The following SPECC1 variants were observed in gnomAD, a reference collection of about 807,000 sequenced individuals.
SPECC1 encodes cytospin-B.
In SPECC1, 62 loss-of-function variants were observed where a neutral mutation model predicts 104.1. That is an observed-to-expected ratio of 0.60 (90% CI 0.49 to 0.74). The LOEUF (loss-of-function observed/expected upper bound fraction) is 0.74, where lower values mean the gene tolerates loss of function less well. Ranked by LOEUF, SPECC1 falls within the 30% of genes least tolerant of loss-of-function variation. The probability of loss-of-function intolerance (pLI) is 0.00; values close to 1 mark genes in which losing one functional copy is unlikely to be tolerated. For synonymous variants in SPECC1, 513 were observed against 501.6 expected, an observed-to-expected ratio of 1.02 and a Z score of -0.30; for missense variants, 1,306 against 1,310.5, an observed-to-expected ratio of 1.00 and a Z score of 0.05.
In SPECC1 at chr17:20,204,397, A is replaced by G. The variant is rs754731916; in HGVS notation, c.348A>G (p.Ser116=). 1.5e-5 allele frequency: 24 copies of G among 1,613,972 alleles called. No individual in the cohort carries two copies. Among genetic ancestry groups the G allele is most frequent in the Non-Finnish European group, 1.9e-5 (22 of 1,180,018 alleles). Residue 116 remains serine (S), a synonymous_variant, in exon 4 of 15, where the codon TCA becomes TCG. Transcript: ENST00000395527. ...CACGGGAATTTTCAGTAACTGTCTC[A>G]AGAGAGAGGTCTGTGCCACGTGGTC... ...PAPREFSVTV[S]RERSVPRGPS... is the part of the protein sequence containing the mutation.
chr17:20,129,714 C>T (rs1375534862), intron 3 of SPECC1, among the ~76,000 whole-genome samples: 1 of 145,254 alleles, frequency 6.9e-6, no homozygotes, highest in Admixed American at 7.1e-5. Context: ...AATTCTTTGC[C>T]TAGAGCCAGT....
chr17:20,137,356 C>T (rs2030123599), intron 3 of SPECC1, among the ~76,000 whole-genome samples: 1 of 152,228 alleles, frequency 6.6e-6, no homozygotes. Context: ...TAGTGTCTCT[C>T]AGCTGGTTTC....
chr17:20,264,471 T>G (rs7226160), intron 12 of SPECC1, among the ~76,000 whole-genome samples: 3,907 of 126,664 alleles, frequency 0.031, 241 homozygotes, highest in African/African-American at 0.11. Context: ...TTTTTTTTTT[T>G]TTTTTTTTTT....
intron 12 of SPECC1, among the ~76,000 whole-genome samples, chr17:20,291,130 G>A (rs949742000): frequency 6.6e-6 from 1 of 152,208 alleles, no homozygotes; most frequent in Non-Finnish European, 1.5e-5. Flanking sequence ...AGAGAGCAGT[G>A]CCATCCACCC....
chr17:20,118,004 CAG>C (rs1184520272), intron 3 of SPECC1, among the ~76,000 whole-genome samples: 4 of 151,944 alleles, frequency 2.6e-5, no homozygotes, highest in Non-Finnish European at 2.9e-5. Context: ...AGTTGGGAGA[CAG>C]AGGTGGGAGG....
chr17:20,140,969 CT>C (rs1318595168), intron 3 of SPECC1, among the ~76,000 whole-genome samples: 1 of 152,146 alleles, frequency 6.6e-6, no homozygotes, highest in African/African-American at 2.4e-5. Flanking sequence ...TGACTGTGAC[CT>C]TTTCACAGTC....
intron 13 of SPECC1, among the ~76,000 whole-genome samples, chr17:20,302,904 G>C (rs7216340): frequency 0.45 from 55,092 of 122,562 alleles, 11,300 homozygotes; most frequent in East Asian, 0.8. Context: ...AAAAAAAAAA[G>C]AGGAAAGAAA....
intron 3 of SPECC1, among the ~76,000 whole-genome samples, chr17:20,137,306 C>T (rs550868450): frequency 6.6e-6 from 1 of 152,348 alleles, no homozygotes; most frequent in Non-Finnish European, 1.5e-5. Flanking sequence ...ATGTCTTAGC[C>T]TCTTGGAGGA....
At chr17:20,023,647 A>G (rs1174981804) in intron 1 of SPECC1, among the ~76,000 whole-genome samples, 1 of 152,174 alleles carries the variant, frequency 6.6e-6, no homozygotes, top group Non-Finnish European at 1.5e-5. Context: ...TGCAAATTCC[A>G]TGGGGTGAGA....
At chr17:20,140,325 T>C (rs920005989) in intron 3 of SPECC1, among the ~76,000 whole-genome samples, 11 of 152,236 alleles carry the variant, frequency 7.2e-5, no homozygotes, top group Admixed American at 3.9e-4. Flanking sequence ...TTTCCAGTTT[T>C]AGTTTTTTTA....
chr17:20,043,726 G>A (rs1400150517), intron 1 of SPECC1, among the ~76,000 whole-genome samples: 2 of 152,140 alleles, frequency 1.3e-5, no homozygotes, highest in Admixed American at 6.5e-5. Flanking sequence ...TTTCCCCAAG[G>A]AGCCCTGCTT....
chr17:20,112,270 A>G, intron 3 of SPECC1: 1 of 762,358 alleles, frequency 1.3e-6, no homozygotes, highest in Middle Eastern at 3.8e-4. Flanking sequence ...CCCATTTTGA[A>G]CTACTTGTGT....
chr17:20,200,688 A>C (rs1405022936), intron 3 of SPECC1, among the ~76,000 whole-genome samples: 1 of 152,156 alleles, frequency 6.6e-6, no homozygotes, highest in Non-Finnish European at 1.5e-5. Flanking sequence ...GTTGCTCTTT[A>C]CTTTTCCCTG....
intron 3 of SPECC1, among the ~76,000 whole-genome samples, chr17:20,167,841 A>T (rs533709193): frequency 6.6e-6 from 1 of 152,344 alleles, no homozygotes; most frequent in African/African-American, 2.4e-5. Context: ...ATATAATAAG[A>T]TATGTACAGA....
intron 3 of SPECC1, among the ~76,000 whole-genome samples, chr17:20,129,554 A>G (rs1346296465): frequency 1.3e-5 from 2 of 151,660 alleles, no homozygotes; most frequent in Admixed American, 1.3e-4. Flanking sequence ...CTAGTTCTTT[A>G]TTGGATATGT....
intron 13 of SPECC1, among the ~76,000 whole-genome samples, chr17:20,297,745 A>G (rs1490842725): frequency 1.3e-5 from 2 of 151,934 alleles, no homozygotes; most frequent in African/African-American, 4.8e-5. Flanking sequence ...CAGTTTGCCA[A>G]CCCCTGACCT....
At chr17:20,065,247 A>G (rs941069890) in intron 1 of SPECC1, among the ~76,000 whole-genome samples, 8 of 152,082 alleles carry the variant, frequency 5.3e-5, no homozygotes, top group African/African-American at 1.7e-4. Context: ...CTCCAGTTCA[A>G]CTCTGACGCT....
chr17:20,298,562 C>T (rs867593456), intron 13 of SPECC1, among the ~76,000 whole-genome samples: 1 of 152,072 alleles, frequency 6.6e-6, no homozygotes, highest in Non-Finnish European at 1.5e-5. Flanking sequence ...GCGGGAGAGG[C>T]GACAGAGCTT....
chr17:20,084,765 C>T (rs1166617698), intron 1 of SPECC1, among the ~76,000 whole-genome samples: 3 of 152,106 alleles, frequency 2.0e-5, no homozygotes, highest in African/African-American at 7.2e-5. Context: ...TCAGGTTTCA[C>T]CTTTAGGTCA....
Sources: gnomAD v4.1 joint callset for allele counts (sites outside exome capture counted in the v4.1 genomes callset) on GRCh38, gnomAD v4.1.1 for gene constraint, MANE v1.5 for transcripts, NCBI Gene and HGNC (gene_info 2026-07-23, HGNC 2026-07-21) for gene names.